Variants in HERPUD2 observed in about 807,000 individuals in gnomAD.
The protein encoded by HERPUD2 is homocysteine-responsive endoplasmic reticulum-resident ubiquitin-like domain member 2 protein.
In HERPUD2, 13 loss-of-function variants were observed where a neutral mutation model predicts 49.9. The ratio of observed to expected loss-of-function variants is 0.26; its 90% CI spans 0.17 to 0.41. HERPUD2 has a LOEUF of 0.41. HERPUD2 is among the 10% of genes least tolerant of loss of function. The pLI is 1.00. For synonymous variants in HERPUD2, 172 were observed against 171.4 expected (o/e 1.00, Z -0.03); for missense variants, 449 against 492.2 (o/e 0.91, Z 0.83).
chr7:35,640,739 T>C (rs543605172), intron 5 of HERPUD2, among the ~76,000 whole-genome samples: 1 of 152,148 alleles, frequency 6.6e-6, no homozygotes, highest in Non-Finnish European at 1.5e-5. Context: ...TAATAAAATA[T>C]ATAGGAATAG....
Position 35,670,337 on chromosome 7 carries a change from AAAG to A in HERPUD2, c.226-12_226-10del. The A allele has an allele frequency of 7.6e-7, 1 of 1,315,754 alleles. No homozygotes were observed. Among genetic ancestry groups the A allele is most frequent in the Non-Finnish European group, 1.0e-6 (1 of 963,730 alleles). The allele number at this position is 1,315,754 out of a possible 1,614,324, so 81.5% of individuals were successfully genotyped here. On this transcript the variant is annotated splice_polypyrimidine_tract_variant and intron_variant, in intron 3 of 8. Coordinates refer to ENST00000311350, the MANE Select transcript of HERPUD2 (RefSeq NM_022373.5). ...ATATGATACTCATCTTGCTAAAATT[AAAG>A]AAGATTACATTTAAAGGGTAGTACT... is the stretch of plus-strand genomic sequence containing the variant.
At chr7:35,654,877 T>G (rs1785241664) in intron 5 of HERPUD2, among the ~76,000 whole-genome samples, 1 of 145,518 alleles carries the variant, frequency 6.9e-6, no homozygotes, top group East Asian at 2.0e-4. Context: ...TTATTTGAGA[T>G]AGAGTCTCAC....
At chr7:35,685,325 GTT>G (rs60181158) in intron 2 of HERPUD2, among the ~76,000 whole-genome samples, 33 of 125,146 alleles carry the variant, frequency 2.6e-4, no homozygotes, top group East Asian at 7.0e-4. Context: ...AATTTTTTTT[GTT>G]TTTTTTTTTT....
At chr7:35,677,158 T>G (rs894923973) in intron 2 of HERPUD2, among the ~76,000 whole-genome samples, 1 of 152,232 alleles carries the variant, frequency 6.6e-6, no homozygotes, top group Admixed American at 6.5e-5. Flanking sequence ...CTTACAATGC[T>G]TAACAACATA....
At chr7:35,657,603 CAAAAAAAAAAA>C (rs34292182) in intron 5 of HERPUD2, among the ~76,000 whole-genome samples, 3 of 57,098 alleles carry the variant, frequency 5.3e-5, no homozygotes, top group Non-Finnish European at 1.0e-4. Flanking sequence ...GACCTTCTCT[CAAAAAAAAAAA>C]AAAAAAAAAA....
rs374513504 is a variant in HERPUD2 at position 35,694,357 on chromosome 7, A to G, written c.-27T>C. 14 of 1,613,774 alleles carry G rather than the reference A, an allele frequency of 8.7e-6. No individual in the cohort carries two copies. In the African/African-American group the frequency reaches 1.9e-4, roughly 22 times the overall value. On this transcript the variant is annotated 5_prime_UTR_variant, in exon 2 of 9. Coordinates refer to ENST00000311350, the MANE Select transcript of HERPUD2 (RefSeq NM_022373.5). ...GTGCCCCCAAAGTCAGACAGAGTCC[A>G]GAGGAGCGGCAGTTAAGCCCAAAAG...
intron 5 of HERPUD2, among the ~76,000 whole-genome samples, chr7:35,640,494 A>C (rs1252971834): frequency 6.6e-6 from 1 of 152,210 alleles, no homozygotes; most frequent in Non-Finnish European, 1.5e-5. Flanking sequence ...GGAGAATATA[A>C]GGTGATTGTT....
In HERPUD2 at chr7:35,651,313, C is replaced by T. The variant is rs867167033; in HGVS notation, c.495-12841G>A. Reference sequence around the variant, plus strand: ...CTGGACCATCTCACACTGGTGCCAGCGTATGCCACACTGGGGCCTAAGGAC... The same window carrying T: ...CTGGACCATCTCACACTGGTGCCAGTGTATGCCACACTGGGGCCTAAGGAC... On this transcript the variant is annotated intron_variant, in intron 5 of 8. Transcript: ENST00000311350. 7.2e-5 allele frequency among the ~76,000 whole-genome samples: 11 copies of T among 152,190 alleles called. No individual in the cohort carries two copies. The East Asian group carries it at 1.9e-3, about 27-fold the overall frequency.
At chr7:35,665,583 C>A (rs112174953) in intron 5 of HERPUD2, among the ~76,000 whole-genome samples, 60 of 152,308 alleles carry the variant, frequency 3.9e-4, no homozygotes, top group Admixed American at 2.0e-3. Context: ...GGCGATGCCC[C>A]GCCCTGCTCC....
intron 5 of HERPUD2, among the ~76,000 whole-genome samples, chr7:35,666,936 C>T (rs547941750): frequency 3.0e-4 from 46 of 152,294 alleles, no homozygotes; most frequent in African/African-American, 9.9e-4. Context: ...ACTTGTGGAA[C>T]GTTTAAAAAC....
chr7:35,694,042 A>G (rs1687771072), intron 2 of HERPUD2, 142 bp downstream of exon 2: 4 of 781,818 alleles, frequency 5.1e-6, no homozygotes, highest in Non-Finnish European at 8.5e-6. Context: ...AGGAGACACA[A>G]CCTCAGAACT....
At chr7:35,637,183 A>AT (rs1784886044) in intron 6 of HERPUD2, among the ~76,000 whole-genome samples, 1 of 152,022 alleles carries the variant, frequency 6.6e-6, no homozygotes, top group Non-Finnish European at 1.5e-5. Flanking sequence ...AGATAGATAG[A>AT]TAGATAGATA....
intron 5 of HERPUD2, among the ~76,000 whole-genome samples, chr7:35,664,590 T>G (rs1016816866): frequency 2.0e-5 from 3 of 152,186 alleles, no homozygotes; most frequent in African/African-American, 4.8e-5. Context: ...TGTTCATTTC[T>G]TTTTACTCTT....
At chr7:35,667,899 CAT>C (rs1443448959) in intron 4 of HERPUD2, among the ~76,000 whole-genome samples, 1 of 152,100 alleles carries the variant, frequency 6.6e-6, no homozygotes, top group Non-Finnish European at 1.5e-5. Flanking sequence ...GCTCTTTTCA[CAT>C]GATTAAATTA....
At chr7:35,654,217 G>A (rs1245390967) in intron 5 of HERPUD2, among the ~76,000 whole-genome samples, 2 of 149,452 alleles carry the variant, frequency 1.3e-5, no homozygotes, top group Non-Finnish European at 3.0e-5. Context: ...AAATAATAAA[G>A]ATCAGGATAG....
intron 2 of HERPUD2, among the ~76,000 whole-genome samples, chr7:35,689,054 T>C (rs749228739): frequency 6.6e-6 from 1 of 152,144 alleles, no homozygotes; most frequent in Non-Finnish European, 1.5e-5. Context: ...AATAAAAGCA[T>C]TCTAGACAAT....
At chr7:35,693,816 T>G (rs1188109534) in intron 2 of HERPUD2, among the ~76,000 whole-genome samples, 1 of 152,286 alleles carries the variant, frequency 6.6e-6, no homozygotes, top group East Asian at 1.9e-4. Context: ...TTTTGTATTT[T>G]CAGTAGACAT....
chr7:35,676,375 C>G (rs966456228), intron 2 of HERPUD2, among the ~76,000 whole-genome samples: 1 of 152,152 alleles, frequency 6.6e-6, no homozygotes, highest in African/African-American at 2.4e-5. Context: ...GGACTTTTGA[C>G]AAGGGGAACC....
intron 5 of HERPUD2, among the ~76,000 whole-genome samples, chr7:35,648,990 G>T (rs1021994994): frequency 6.6e-6 from 1 of 152,124 alleles, no homozygotes; most frequent in Admixed American, 6.6e-5. Context: ...AGTGGCTCAC[G>T]CCTGTAATCC....
Sources: gnomAD v4.1 joint callset for allele counts (sites outside exome capture counted in the v4.1 genomes callset) on GRCh38, gnomAD v4.1.1 for gene constraint, MANE v1.5 for transcripts, NCBI Gene and HGNC (gene_info 2026-07-23, HGNC 2026-07-21) for gene names.